The following CRYBG2 variants were observed in gnomAD, a reference collection of about 807,000 sequenced individuals.
CRYBG2 encodes the protein crystallin beta-gamma domain containing 2, also known as beta/gamma crystallin domain-containing protein 2.
A neutral mutation model predicts 153.4 loss-of-function variants in CRYBG2; 106 were observed. That is an observed-to-expected ratio of 0.69 (90% CI 0.59 to 0.81). The LOEUF is 0.81. Among genes scored for constraint, CRYBG2 ranks in the 30% least tolerant of loss-of-function variants. The probability of loss-of-function intolerance (pLI) is 0.00; values close to 1 mark genes in which losing one functional copy is unlikely to be tolerated. For synonymous variants in CRYBG2, 851 were observed against 877.8 expected (o/e 0.97, Z 0.54); for missense variants, 1,996 against 2,112.0 (o/e 0.95, Z 1.08).
chr1:26,340,596 G>GA (rs530456534), intron 5 of CRYBG2, among the ~76,000 whole-genome samples: 4 of 151,854 alleles, frequency 2.6e-5, no homozygotes, highest in African/African-American at 9.7e-5. Context: ...GAGAGGCTTT[G>GA]TTTTTTTTGT....
intron 18 of CRYBG2, among the ~76,000 whole-genome samples, 153 bp from the exon 19 acceptor site, chr1:26,322,476 G>C (rs376517402): frequency 1.3e-5 from 2 of 152,148 alleles, no homozygotes; most frequent in Non-Finnish European, 2.9e-5. Flanking sequence ...GTTTCCTCTC[G>C]GGGATGGGAA....
At chr1:26,342,943 G>GGTAGCTGAT in intron 4 of CRYBG2, 60 bp from the exon 5 acceptor site, 14 of 1,596,172 alleles carry the variant, frequency 8.8e-6, no homozygotes, top group Non-Finnish European at 1.1e-5. Flanking sequence ...AGGGCTGCTG[G>GGTAGCTGAT]GTAGCTGATG....
intron 18 of CRYBG2, among the ~76,000 whole-genome samples, chr1:26,323,147 C>A (rs2073880394): frequency 6.6e-6 from 1 of 150,462 alleles, no homozygotes; most frequent in South Asian, 2.1e-4. Context: ...GTGGTGTGAT[C>A]ATAGCTTACC....
In CRYBG2 at chr1:26,344,506, TG is replaced by T. The variant is rs932279425; in HGVS notation, c.2151del (p.Ser718AlafsTer122). 2 of 1,546,914 alleles carry T rather than the reference TG, an allele frequency of 1.3e-6. No homozygotes were observed. The highest frequency in any genetic ancestry group is 1.7e-6 in the Non-Finnish European group (2 of 1,145,898). ...APSSSVDRVS[P>X]SPGGTPAPVP... ...ACTGGGGCAGGGGTGCCTCCTGGGC[TG>T]GGGGACACCCTGTCCACTGAGGAAG... is the stretch of plus-strand genomic sequence containing the variant. On this transcript the variant is annotated frameshift_variant, in exon 2 of 20. Coordinates refer to ENST00000308182, the MANE Select transcript of CRYBG2 (RefSeq NM_001039775.4). LOFTEE classifies it high-confidence loss of function.
In CRYBG2 at chr1:26,336,204, G is replaced by C; in HGVS notation, c.4075C>G (p.Gln1359Glu). Reference sequence around the variant, plus strand: ...AGAAAGTCGGGGCGGGAGAAAAGCTGAATCTGGAGGCAGAGAGGGGAGATG... The same window carrying C: ...AGAAAGTCGGGGCGGGAGAAAAGCTCAATCTGGAGGCAGAGAGGGGAGATG... ...EHDLHFVSKI[Q>E]LFSRPDFLGD... Residue 1359 changes from glutamine to glutamate, a missense_variant, in exon 14 of 20, where the codon CAG becomes GAG. Transcript: ENST00000308182. This position sits in a 1 kb window ranked among gnomAD's most constrained non-coding sequence, Gnocchi z 4.9. 6.4e-7 allele frequency: 1 copy of C among 1,556,360 alleles called. No individual in the cohort carries two copies. The highest frequency in any genetic ancestry group is 1.9e-5 in the Admixed American group (1 of 51,926).
Position 26,322,287 on chromosome 1 carries a change from G to A in CRYBG2, c.4774C>T (p.Pro1592Ser). Reference sequence around the variant, plus strand: ...AGCACCACCTTGGAGCCTGGGCTAGGGGGTCCAATCACCTGTAGGCTCATG... The same window carrying A: ...AGCACCACCTTGGAGCCTGGGCTAGAGGGTCCAATCACCTGTAGGCTCATG... ...PTMSLQVIGPPSPGSKVVLWA... is the reference protein window; with the variant it reads ...PTMSLQVIGPSSPGSKVVLWA... The change falls in exon 19 of 20, where the codon CCT becomes TCT. Residue 1592 changes from proline to serine, a missense_variant. Coordinates refer to ENST00000308182, the MANE Select transcript of CRYBG2 (RefSeq NM_001039775.4). 2 of 1,613,808 alleles carry A rather than the reference G, an allele frequency of 1.2e-6. No homozygotes were observed. The highest frequency in any genetic ancestry group is 2.2e-5 in the South Asian group (2 of 91,080).
intron 14 of CRYBG2, among the ~76,000 whole-genome samples, chr1:26,333,048 A>AAAAAAAAAATT (rs2074016788): frequency 7.8e-6 from 1 of 128,352 alleles, no homozygotes; most frequent in Non-Finnish European, 1.7e-5. Flanking sequence ...AAAAAAAAAG[A>AAAAAAAAAATT]TTTCTAACAG....
chr1:26,339,321 G>GACC lies in CRYBG2; in HGVS notation c.3312_3313insGGT (p.Leu1104_Gln1105insGly). ...GCAGAGACGGTGGCAGATGCCACCT[G>GACC]CAGGGGCTTCTCCAGACCCTGGGAA... is the stretch of plus-strand genomic sequence containing the variant. On this transcript the variant is annotated inframe_insertion, in exon 6 of 20. Transcript: ENST00000308182. 6.2e-7 allele frequency: 1 copy of GACC among 1,614,164 alleles called. No homozygotes were observed.
chr1:26,321,964 AG>A lies in CRYBG2; in HGVS notation c.*3del, dbSNP rs1162528998. Reference sequence around the variant, plus strand: ...TCCAGGGCTGGAGGGTGAGGGGAAAAGTTTCAAAGCACGTGGATAGTCCAGA... The same window carrying A: ...TCCAGGGCTGGAGGGTGAGGGGAAAATTTCAAAGCACGTGGATAGTCCAGA... On this transcript the variant is annotated 3_prime_UTR_variant, in exon 20 of 20. Transcript: ENST00000308182. The A allele has an allele frequency of 1.9e-6, 3 of 1,560,780 alleles. No homozygotes were observed. In the African/African-American group the frequency reaches 4.1e-5, roughly 21 times the overall value.
intron 18 of CRYBG2, among the ~76,000 whole-genome samples, chr1:26,323,242 G>A (rs377066586): frequency 1.8e-4 from 28 of 151,508 alleles, no homozygotes; most frequent in South Asian, 8.3e-4. Flanking sequence ...CACCACATCC[G>A]GCTAGTTTTT....
Position 26,333,566 on chromosome 1 carries a change from C to CA in CRYBG2, c.4185-1949dup, listed in dbSNP as rs751282709. 6.2e-3 allele frequency among the ~76,000 whole-genome samples: 811 copies of CA among 130,290 alleles called. 1 individual carries two copies. Among genetic ancestry groups the CA allele is most frequent in the Middle Eastern group, 7.8e-3 (2 of 258 alleles). The allele number at this position is 130,290 out of a possible 152,430, so 85.5% of individuals were successfully genotyped here. ...AGGCAACAAGAGTGAAACTCCACCT[C>CA]AAAAAAAAAAAAAGAAGAGGAAGAG... On this transcript the variant is annotated intron_variant, in intron 14 of 19. Transcript: ENST00000308182.
intron 5 of CRYBG2, among the ~76,000 whole-genome samples, chr1:26,340,912 C>A (rs1434641616): frequency 1.3e-5 from 2 of 151,858 alleles, no homozygotes; most frequent in African/African-American, 4.8e-5. Context: ...CCACCGCGTC[C>A]AGCCTCTGGA....
chr1:26,346,605 G>T lies in CRYBG2; in HGVS notation c.53C>A (p.Ala18Asp). The T allele has an allele frequency of 6.3e-7, 1 of 1,584,262 alleles. No individual in the cohort carries two copies. The highest frequency in any genetic ancestry group is 1.1e-5 in the South Asian group (1 of 87,178). The change falls in exon 2 of 20, where the codon GCC (alanine) becomes GAC (aspartate). Residue 18 changes from alanine to aspartate, a missense_variant. Ala to Asp is a moderately radical substitution (Grantham distance 126). Transcript: ENST00000308182. This position sits in a 1 kb window ranked among gnomAD's most constrained non-coding sequence, Gnocchi z 4.9. ...MARAKARVVSATLTWRQRPPT... is the reference protein window; with the variant it reads ...MARAKARVVSDTLTWRQRPPT... Reference sequence around the variant, plus strand: ...GGGCCGCTGCCGCCATGTCAATGTGGCACTTACCACTCGGGCCTTGGCCCG... The same window carrying T: ...GGGCCGCTGCCGCCATGTCAATGTGTCACTTACCACTCGGGCCTTGGCCCG...
At chr1:26,334,969 A>G (rs1286731259) in intron 14 of CRYBG2, among the ~76,000 whole-genome samples, 1 of 152,020 alleles carries the variant, frequency 6.6e-6, no homozygotes, top group Admixed American at 6.6e-5. Context: ...AAAAAACAGG[A>G]AACTCCCAAC....
intron 1 of CRYBG2, among the ~76,000 whole-genome samples, chr1:26,352,844 T>C (rs2074301077): frequency 6.7e-6 from 1 of 148,832 alleles, no homozygotes; most frequent in Admixed American, 6.8e-5. Flanking sequence ...TTCTGGGGCA[T>C]CCAAGCAGGT....
chr1:26,323,039 C>T (rs2073878019), intron 18 of CRYBG2, among the ~76,000 whole-genome samples: 1 of 151,874 alleles, frequency 6.6e-6, no homozygotes, highest in Non-Finnish European at 1.5e-5. Flanking sequence ...CAAATGTCAT[C>T]TTCTTCGGAA....
At chr1:26,335,437 A>G (rs998576886) in intron 14 of CRYBG2, among the ~76,000 whole-genome samples, 2 of 152,136 alleles carry the variant, frequency 1.3e-5, no homozygotes, top group Non-Finnish European at 2.9e-5. Flanking sequence ...AGATCGCGCC[A>G]CTGCACTCCA....
Position 26,336,346 on chromosome 1 carries a change from CGAAGTGCAGATCGTGCTCCCCGACCT to C in CRYBG2, c.4039-2_4062del. 6.2e-7 allele frequency: 1 copy of C among 1,613,634 alleles called. No homozygotes were observed. Among genetic ancestry groups the C allele is most frequent in the Non-Finnish European group, 8.5e-7 (1 of 1,179,784 alleles). ...CGGAGTCCCTGCCTTACCTTTGAGA[CGAAGTGCAGATCGTGCTCCCCGACCT>C]GAAGGTAGGGACCGAATCGAGAATT... On this transcript the variant is annotated splice_acceptor_variant and coding_sequence_variant, in exon 13 of 20. Transcript: ENST00000308182. LOFTEE classifies it high-confidence loss of function. This position sits in a 1 kb window ranked among gnomAD's most constrained non-coding sequence, Gnocchi z 4.9.
chr1:26,339,764 A>T (rs1047424478), intron 5 of CRYBG2, among the ~76,000 whole-genome samples: 1 of 151,856 alleles, frequency 6.6e-6, no homozygotes, highest in African/African-American at 2.4e-5. Context: ...GAAAGAAAAG[A>T]TATATAAATA....
Sources: allele counts gnomAD v4.1 joint callset (sites outside exome capture counted in the v4.1 genomes callset), GRCh38; gene constraint gnomAD v4.1.1; non-coding constraint Gnocchi (gnomAD v3.1); transcripts MANE v1.5; gene names NCBI Gene and HGNC (gene_info 2026-07-23, HGNC 2026-07-21).